The following AOPEP variants were observed in gnomAD, a reference collection of about 807,000 sequenced individuals.
The protein encoded by AOPEP is aminopeptidase O (putative).
AOPEP carries 77 observed loss-of-function variants against 98.1 expected under a neutral mutation model. The observed-to-expected ratio is 0.78, with a 90% CI of 0.65 to 0.95. AOPEP has a LOEUF of 0.95. Among genes scored for constraint, AOPEP ranks in the 40% least tolerant of loss-of-function variants. The pLI, the probability that AOPEP is intolerant of heterozygous loss-of-function variation, is 0.00. For missense variants in AOPEP, 1,024 were observed against 1,024.7 expected (o/e 1.00, Z 0.01); for synonymous variants, 346 against 365.3 (o/e 0.95, Z 0.60).
chr9:94,866,775 TAAAA>T lies in AOPEP; in HGVS notation c.1365-57209_1365-57206del, dbSNP rs2045750932. Among the ~76,000 whole-genome samples, 3 of 152,346 alleles carry T rather than the reference TAAAA, an allele frequency of 2.0e-5. No homozygotes were observed. The South Asian group carries it at 6.2e-4, about 32-fold the overall frequency. ...TTACAAATAAAGCTTATTGGTTGAT[TAAAA>T]ATACAGCCAGCATCAATGTAACCAG... On this transcript the variant is annotated intron_variant, in intron 5 of 16. Coordinates refer to ENST00000375315, the MANE Select transcript of AOPEP (RefSeq NM_001193329.3).
downstream of AOPEP, among the ~76,000 whole-genome samples, chr9:95,089,387 CA>C (rs1490787572): frequency 6.6e-6 from 1 of 152,202 alleles, no homozygotes; most frequent in Non-Finnish European, 1.5e-5. Flanking sequence ...CTGCACGGGA[CA>C]TAGTAGTTTT....
At chr9:94,811,830 G>C (rs1430134435) in intron 5 of AOPEP, among the ~76,000 whole-genome samples, 1 of 152,186 alleles carries the variant, frequency 6.6e-6, no homozygotes, top group African/African-American at 2.4e-5. Context: ...GATGGTCCAG[G>C]TTCATCTCTC....
chr9:94,814,575 G>T (rs911291340), intron 5 of AOPEP, among the ~76,000 whole-genome samples: 3 of 152,124 alleles, frequency 2.0e-5, no homozygotes, highest in African/African-American at 7.2e-5. Context: ...TTTTACTCTT[G>T]TGCCAAGGCA....
chr9:94,750,826 C>A (rs1359187037), intron 1 of AOPEP, among the ~76,000 whole-genome samples: 1 of 146,558 alleles, frequency 6.8e-6, no homozygotes, highest in Non-Finnish European at 1.5e-5. Context: ...CGGCTCACTG[C>A]AAGCTCTGCC....
intron 14 of AOPEP, among the ~76,000 whole-genome samples, chr9:95,067,138 G>C (rs1376476942): frequency 2.0e-5 from 3 of 152,058 alleles, no homozygotes; most frequent in African/African-American, 7.3e-5. Flanking sequence ...TTGCTCTCTA[G>C]AACTGTGGCA....
chr9:95,078,636 C>T (rs527599130), intron 14 of AOPEP, among the ~76,000 whole-genome samples: 1 of 152,388 alleles, frequency 6.6e-6, no homozygotes, highest in African/African-American at 2.4e-5. Context: ...GCTGTCGCTC[C>T]CATCCATATG....
rs1471379512 is a variant in AOPEP at position 94,726,727 on chromosome 9, G to C, written c.-160G>C. On this transcript the variant is annotated 5_prime_UTR_variant, in exon 1 of 17. Transcript: ENST00000375315. ...GTAACCCCGAGTCTGCGGAAGTGGT[G>C]ACCCGTGGGACGCGGCTGAGACAGG... 1 of 152,286 alleles carries C rather than the reference G, an allele frequency of 6.6e-6. No individual in the cohort carries two copies. The highest frequency in any genetic ancestry group is 2.4e-5 in the African/African-American group (1 of 41,470). The allele number at this position is 152,286 out of a possible 1,614,324, so 9.4% of individuals were successfully genotyped here.
intron 14 of AOPEP, among the ~76,000 whole-genome samples, chr9:95,077,401 G>T (rs749287812): frequency 2.0e-5 from 3 of 152,228 alleles, no homozygotes; most frequent in African/African-American, 7.2e-5. Flanking sequence ...CGGTCGCCCC[G>T]CCAGGATGCT....
At chr9:95,039,241 A>C (rs571279024) in intron 13 of AOPEP, among the ~76,000 whole-genome samples, 2 of 152,120 alleles carry the variant, frequency 1.3e-5, no homozygotes, top group African/African-American at 4.8e-5. Context: ...TGGGCATGAG[A>C]AAAATAAGAC....
In AOPEP at chr9:95,062,731, G is replaced by A. The variant is rs2067436584; in HGVS notation, c.2232+1921G>A. Among the ~76,000 whole-genome samples, 3 of 152,214 alleles carry A rather than the reference G, an allele frequency of 2.0e-5. No individual in the cohort carries two copies. The South Asian group carries it at 6.2e-4, about 32-fold the overall frequency. On this transcript the variant is annotated intron_variant, in intron 14 of 16. Transcript: ENST00000375315. ...TTCTGAGTGTAGCACTGAGTCTGCT[G>A]CGGCTGCTTGCCAAGGGCTTGAATG...
At chr9:95,076,162 T>A (rs12340679) in intron 14 of AOPEP, among the ~76,000 whole-genome samples, 3,172 of 152,322 alleles carry the variant, frequency 0.021, 117 homozygotes, top group African/African-American at 0.072. Context: ...AAGGACCTCA[T>A]GGACACCATT....
the AOPEP span, among the ~76,000 whole-genome samples, chr9:95,104,611 C>T: frequency 6.6e-6 from 1 of 152,194 alleles, no homozygotes; most frequent in African/African-American, 2.4e-5. Flanking sequence ...TGAATGTGGA[C>T]TGAAAGTTTC....
the AOPEP span, chr9:95,145,605 G>T: frequency 6.6e-6 from 1 of 152,184 alleles, no homozygotes; most frequent in South Asian, 2.1e-4. Flanking sequence ...GTAAAGAAGA[G>T]AAATCAAAGG....
At chr9:94,928,827 C>A in intron 7 of AOPEP, 1 of 286,876 alleles carries the variant, frequency 3.5e-6, no homozygotes, top group Non-Finnish European at 6.5e-6. Flanking sequence ...GCGGATGTGG[C>A]GAGGGTTGGG....
At chr9:94,765,439 A>AAATAATAATAAT (rs370305424) in intron 2 of AOPEP, among the ~76,000 whole-genome samples, 20,575 of 123,590 alleles carry the variant, frequency 0.17, 2,008 homozygotes, top group Admixed American at 0.24. Context: ...TTCTCTACAA[A>AAATAATAATAAT]AATAATAATA....
At chr9:94,744,727 AAAAT>A (rs1834069589) in intron 1 of AOPEP, among the ~76,000 whole-genome samples, 1 of 151,218 alleles carries the variant, frequency 6.6e-6, no homozygotes, top group Non-Finnish European at 1.5e-5. Flanking sequence ...AAAAAAGAAT[AAAAT>A]ATGGTACAAA....
At chr9:94,819,477 G>A (rs1588382344) in intron 5 of AOPEP, among the ~76,000 whole-genome samples, 2 of 152,182 alleles carry the variant, frequency 1.3e-5, no homozygotes, top group Admixed American at 1.3e-4. Flanking sequence ...AGCCCTCCCC[G>A]GGGCATACAC....
the AOPEP span, chr9:95,117,277 A>C: frequency 6.3e-7 from 1 of 1,583,536 alleles, no homozygotes; most frequent in Non-Finnish European, 8.7e-7. Flanking sequence ...TCTTCCCAGG[A>C]AATCATTCTG....
At chr9:95,130,322 G>A in the AOPEP span, among the ~76,000 whole-genome samples, 3 of 151,454 alleles carry the variant, frequency 2.0e-5, no homozygotes, top group Non-Finnish European at 1.5e-5. Flanking sequence ...GAGAGAGAGA[G>A]AATAGGGAAA....
Sources: gnomAD v4.1 joint callset for allele counts (sites outside exome capture counted in the v4.1 genomes callset) on GRCh38, gnomAD v4.1.1 for gene constraint, MANE v1.5 for transcripts, NCBI Gene and HGNC (gene_info 2026-07-23, HGNC 2026-07-21) for gene names.